ARHGAP26: variants seen among roughly 807,000 people sequenced by gnomAD.
The protein encoded by ARHGAP26 is Rho GTPase activating protein 26, also known as rho GTPase-activating protein 26.
In ARHGAP26, 38 loss-of-function variants were observed where a neutral mutation model predicts 104.8. That is an observed-to-expected ratio of 0.36 (90% CI 0.28 to 0.48). ARHGAP26 has a LOEUF of 0.48. Ranked by LOEUF, ARHGAP26 falls within the 20% of genes least tolerant of loss-of-function variation. The probability of loss-of-function intolerance (pLI) is 0.99; values close to 1 mark genes in which losing one functional copy is unlikely to be tolerated. For missense variants in ARHGAP26, 704 were observed against 947.9 expected, an observed-to-expected ratio of 0.74 and a Z score of 3.38; for synonymous variants, 341 against 340.0, an observed-to-expected ratio of 1.00 and a Z score of -0.03.
At chr5:142,957,868 G>A (rs914923106) in intron 11 of ARHGAP26, among the ~76,000 whole-genome samples, 1 of 152,176 alleles carries the variant, frequency 6.6e-6, no homozygotes, top group East Asian at 1.9e-4. Flanking sequence ...CCACTTTCAC[G>A]CATTGCGTTT....
chr5:143,202,819 A>G (rs1282232045), intron 20 of ARHGAP26: 2 of 152,236 alleles, frequency 1.3e-5, no homozygotes, highest in Non-Finnish European at 2.9e-5. Flanking sequence ...AAAACAAGCA[A>G]TGGGGAAAGG....
At chr5:143,035,126 A>G (rs1476754381) in intron 12 of ARHGAP26, among the ~76,000 whole-genome samples, 4 of 152,208 alleles carry the variant, frequency 2.6e-5, no homozygotes, top group Admixed American at 1.3e-4. Flanking sequence ...TCACTAAGCA[A>G]TAAGTATGTA....
intron 12 of ARHGAP26, among the ~76,000 whole-genome samples, chr5:143,016,632 G>T (rs778938014): frequency 4.7e-5 from 7 of 150,188 alleles, no homozygotes; most frequent in Non-Finnish European, 1.0e-4. Context: ...GAACCTGAGA[G>T]GCAGAGGTTG....
At chr5:142,838,048 C>T (rs552997742) in intron 1 of ARHGAP26, among the ~76,000 whole-genome samples, 23 of 152,114 alleles carry the variant, frequency 1.5e-4, no homozygotes, top group Non-Finnish European at 2.8e-4. Context: ...CACCTGAGGT[C>T]AGGGGTTCGA....
intron 11 of ARHGAP26, among the ~76,000 whole-genome samples, chr5:142,944,811 C>A (rs1562127021): frequency 6.6e-6 from 1 of 152,138 alleles, no homozygotes; most frequent in Non-Finnish European, 1.5e-5. Flanking sequence ...TTGTTTTACT[C>A]AGTTCTGCTT....
chr5:142,868,527 C>T (rs1057331309), intron 1 of ARHGAP26, among the ~76,000 whole-genome samples: 1 of 152,074 alleles, frequency 6.6e-6, no homozygotes, highest in African/African-American at 2.4e-5. Flanking sequence ...TTAGGGGTTG[C>T]TGATAGTGAT....
intron 11 of ARHGAP26, among the ~76,000 whole-genome samples, chr5:142,976,209 G>A (rs1598451854): frequency 6.6e-6 from 1 of 152,282 alleles, no homozygotes; most frequent in Middle Eastern, 3.4e-3. Flanking sequence ...TTAATACATG[G>A]TGATGCTTCC....
chr5:143,156,130 T>G (rs1049299139), intron 20 of ARHGAP26, among the ~76,000 whole-genome samples: 6 of 152,256 alleles, frequency 3.9e-5, no homozygotes, highest in African/African-American at 1.4e-4. Context: ...AGATTAGAAT[T>G]GTTTCTACCT....
intron 20 of ARHGAP26, chr5:143,193,874 A>G (rs138719363): frequency 5.6e-4 from 85 of 152,366 alleles, no homozygotes; most frequent in African/African-American, 1.9e-3. Flanking sequence ...TATAAAAAAC[A>G]TAGTATATAC....
At chr5:142,840,258 G>T (rs964170115) in intron 1 of ARHGAP26, among the ~76,000 whole-genome samples, 2 of 152,192 alleles carry the variant, frequency 1.3e-5, no homozygotes, top group African/African-American at 4.8e-5. Flanking sequence ...AACAGTTTTT[G>T]GGTGGAACCT....
intron 20 of ARHGAP26, among the ~76,000 whole-genome samples, chr5:143,177,339 T>C (rs1246080877): frequency 1.3e-5 from 2 of 152,204 alleles, no homozygotes; most frequent in Non-Finnish European, 2.9e-5. Context: ...CTTCTCAGGC[T>C]GCATCACGAG....
At chr5:142,935,561 C>G (rs1414999412) in intron 11 of ARHGAP26, among the ~76,000 whole-genome samples, 5 of 152,186 alleles carry the variant, frequency 3.3e-5, no homozygotes, top group African/African-American at 1.2e-4. Context: ...ATCTGTAAGT[C>G]TAGTGGAAAG....
intron 1 of ARHGAP26, among the ~76,000 whole-genome samples, chr5:142,834,948 T>C (rs778729832): frequency 1.7e-4 from 26 of 152,262 alleles, no homozygotes; most frequent in Non-Finnish European, 3.4e-4. Flanking sequence ...ACCAAGTTTA[T>C]TGTTAATACA....
intron 1 of ARHGAP26, among the ~76,000 whole-genome samples, chr5:142,831,647 CCCT>C (rs1047263258): frequency 4.0e-5 from 6 of 151,570 alleles, no homozygotes; most frequent in East Asian, 3.9e-4. Flanking sequence ...CTCCTCCAAA[CCCT>C]CCTCCTCCTC....
At chr5:143,093,356 C>T (rs1396886567) in intron 17 of ARHGAP26, among the ~76,000 whole-genome samples, 5 of 152,224 alleles carry the variant, frequency 3.3e-5, no homozygotes, top group Middle Eastern at 6.8e-3. Flanking sequence ...TCAGTGCTTT[C>T]GGGCCTTGTT....
At chr5:142,980,424 A>G (rs1773768426) in intron 11 of ARHGAP26, among the ~76,000 whole-genome samples, 1 of 139,542 alleles carries the variant, frequency 7.2e-6, no homozygotes, top group Non-Finnish European at 1.5e-5. Context: ...AATCTTGCTT[A>G]GTTGCCCAGG....
intron 9 of ARHGAP26, among the ~76,000 whole-genome samples, chr5:142,909,332 T>C (rs1761531906): frequency 6.6e-6 from 1 of 152,234 alleles, no homozygotes; most frequent in African/African-American, 2.4e-5. Flanking sequence ...CTCTCTGCAG[T>C]ACATTTTTAT....
intron 1 of ARHGAP26, among the ~76,000 whole-genome samples, chr5:142,812,278 G>A (rs1240576968): frequency 6.6e-6 from 1 of 152,054 alleles, no homozygotes; most frequent in Non-Finnish European, 1.5e-5. Context: ...TTTAGAGCTG[G>A]GGTCTCACTC....
intron 18 of ARHGAP26, among the ~76,000 whole-genome samples, chr5:143,132,624 A>C (rs920197419): frequency 6.6e-6 from 1 of 152,132 alleles, no homozygotes; most frequent in Non-Finnish European, 1.5e-5. Flanking sequence ...AATGATGAAA[A>C]GTGTGTGTTA....
Sources: allele counts gnomAD v4.1 joint callset (sites outside exome capture counted in the v4.1 genomes callset), GRCh38; gene constraint gnomAD v4.1.1; transcripts MANE v1.5; gene names NCBI Gene and HGNC (gene_info 2026-07-23, HGNC 2026-07-21).